Variants in DST observed in about 807,000 individuals in gnomAD.
DST encodes bullous pemphigoid antigen.
DST carries 253 observed loss-of-function variants against 875.2 expected under a neutral mutation model. That is an observed-to-expected ratio of 0.29 (90% CI 0.26 to 0.32). The LOEUF is 0.32. Ranked by LOEUF, DST falls within the 10% of genes least tolerant of loss-of-function variation. The pLI, the probability that DST is intolerant of heterozygous loss-of-function variation, is 1.00. For missense variants in DST, 8,287 were observed against 9,111.6 expected, an observed-to-expected ratio of 0.91 and a Z score of 3.68; for synonymous variants, 3,124 against 3,197.1, an observed-to-expected ratio of 0.98 and a Z score of 0.77.
At chr6:56,694,618 G>A (rs2099252544) in intron 9 of DST, among the ~76,000 whole-genome samples, 1 of 152,128 alleles carries the variant, frequency 6.6e-6, no homozygotes, top group Non-Finnish European at 1.5e-5. Context: ...GTACTAACAT[G>A]ATGGAGGGGC....
At chr6:56,741,618 T>A (rs2099547030) in intron 4 of DST, among the ~76,000 whole-genome samples, 1 of 152,202 alleles carries the variant, frequency 6.6e-6, no homozygotes, top group Admixed American at 6.5e-5. Flanking sequence ...TCCATACACA[T>A]TATTTCAAAA....
chr6:56,600,188 T>C lies in DST; in HGVS notation c.11575A>G (p.Lys3859Glu). 1 of 1,612,818 alleles carries C rather than the reference T, an allele frequency of 6.2e-7. No individual in the cohort carries two copies. Among genetic ancestry groups the C allele is most frequent in the Non-Finnish European group, 8.5e-7 (1 of 1,179,080 alleles). The change falls in exon 45 of 104, where the codon AAA (lysine) becomes GAA (glutamate). Residue 3859 changes from lysine (K) to glutamate (E), a missense_variant. This residue lies in a region of DST where 3,138 missense variants were observed against 3,116.6 expected (regional missense o/e 1.01). Coordinates refer to ENST00000680361, the MANE Select transcript of DST (RefSeq NM_001374736.1). The stretch of plus-strand genomic sequence containing the variant: ...AGAAGATCACATATCCCTTGGAGTT[T>C]CTCTTTATACTCCTGCTGACGCTCT... ...VAERQQEYKEKLQGICDLLTQ... is the reference protein window; with the variant it reads ...VAERQQEYKEELQGICDLLTQ...
intron 4 of DST, among the ~76,000 whole-genome samples, chr6:56,752,068 G>C (rs1360095531): frequency 6.6e-6 from 1 of 151,656 alleles, no homozygotes; most frequent in Non-Finnish European, 1.5e-5. Flanking sequence ...TGGGTCTCCA[G>C]TATTTCCAAA....
intron 8 of DST, among the ~76,000 whole-genome samples, chr6:56,701,385 C>A (rs1354443425): frequency 1.3e-5 from 2 of 152,002 alleles, no homozygotes; most frequent in African/African-American, 4.8e-5. Flanking sequence ...TATATCTTTA[C>A]TCATAAATTT....
intron 92 of DST, 55 bp from the exon 93 acceptor site, chr6:56,474,057 T>C: frequency 1.4e-6 from 2 of 1,468,600 alleles, no homozygotes; most frequent in Non-Finnish European, 1.8e-6. Context: ...AAAACCGTCT[T>C]TAGAAATGAA....
chr6:56,865,071 A>T (rs1773255301), intron 3 of DST, among the ~76,000 whole-genome samples: 1 of 152,176 alleles, frequency 6.6e-6, no homozygotes, highest in African/African-American at 2.4e-5. Context: ...AGGCTCCTAG[A>T]AGTAGATAAG....
intron 4 of DST, among the ~76,000 whole-genome samples, chr6:56,766,541 T>C (rs76922686): frequency 6.6e-6 from 1 of 150,912 alleles, no homozygotes; most frequent in Non-Finnish European, 1.5e-5. Flanking sequence ...TTTTTTTTTT[T>C]CCTTTTTGAG....
intron 49 of DST, among the ~76,000 whole-genome samples, chr6:56,591,284 A>G (rs2098267866): frequency 6.6e-6 from 1 of 152,216 alleles, no homozygotes; most frequent in Admixed American, 6.5e-5. Flanking sequence ...TATTTCTGAA[A>G]GAGCAGGTGG....
chr6:56,602,838 A>G, intron 43 of DST, 44 bp downstream of exon 43: 1 of 1,390,256 alleles, frequency 7.2e-7, no homozygotes, highest in Non-Finnish European at 9.4e-7. Flanking sequence ...TATTAAAGTC[A>G]TAGTTTTTGA....
chr6:56,669,577 T>C lies in DST; in HGVS notation c.1214+1064A>G, dbSNP rs148290285. On this transcript the variant is annotated intron_variant, in intron 10 of 103. Transcript: ENST00000680361. Reference sequence around the variant, plus strand: ...TGCCACTGCACTCTAGCCTGGGTGATAGTGCAAGACTTCATCTCAAAAAAA... The same window carrying C: ...TGCCACTGCACTCTAGCCTGGGTGACAGTGCAAGACTTCATCTCAAAAAAA... Among the ~76,000 whole-genome samples, 235 of 146,176 alleles carry C rather than the reference T, an allele frequency of 1.6e-3. 6 individuals are homozygous for C. The East Asian group carries it at 0.039, about 24-fold the overall frequency.
At chr6:56,509,322 G>GAA (rs1306923895) in intron 74 of DST, among the ~76,000 whole-genome samples, 2 of 152,084 alleles carry the variant, frequency 1.3e-5, no homozygotes, top group Non-Finnish European at 2.9e-5. Context: ...CAGTAATGAG[G>GAA]AAAAAACCCC....
Position 56,464,766 on chromosome 6 carries a change from A to G in DST, c.22688-10T>C. The G allele has an allele frequency of 6.3e-7, 1 of 1,576,408 alleles. No individual in the cohort carries two copies. Among genetic ancestry groups the G allele is most frequent in the Non-Finnish European group, 8.6e-7 (1 of 1,156,320 alleles). ...CTCCCATGATGATGAACTAGAAAAA[A>G]TGACACAGGATACCAATCACATTAA... On this transcript the variant is annotated splice_polypyrimidine_tract_variant and intron_variant, in intron 99 of 103. Coordinates refer to ENST00000680361, the MANE Select transcript of DST (RefSeq NM_001374736.1).
intron 4 of DST, among the ~76,000 whole-genome samples, chr6:56,745,621 G>A (rs1439841445): frequency 6.6e-6 from 1 of 152,034 alleles, no homozygotes; most frequent in Non-Finnish European, 1.5e-5. Flanking sequence ...TATCAAATTT[G>A]ACAAACCACT....
In DST at chr6:56,668,012, G is replaced by C. The variant is rs59453953; in HGVS notation, c.1214+2629C>G. 8.0e-3 allele frequency among the ~76,000 whole-genome samples: 1,219 copies of C among 151,818 alleles called. 13 individuals are homozygous for C. The highest frequency in any genetic ancestry group is 0.028 in the African/African-American group (1,173 of 41,372). On this transcript the variant is annotated intron_variant, in intron 10 of 103. Coordinates refer to ENST00000680361, the MANE Select transcript of DST (RefSeq NM_001374736.1). ...AATTCCTGGCCTCAAGCAATCCTCC[G>C]GCCTCATCCTCCCTGCCAAAAGTAG...
chr6:56,736,110 G>A (rs540289678), intron 4 of DST, among the ~76,000 whole-genome samples: 3 of 152,048 alleles, frequency 2.0e-5, no homozygotes, highest in South Asian at 4.2e-4. Flanking sequence ...GGCTGGTCTC[G>A]AACCCCTGAC....
At chr6:56,761,631 C>T (rs1015360650) in intron 4 of DST, among the ~76,000 whole-genome samples, 2 of 151,986 alleles carry the variant, frequency 1.3e-5, no homozygotes, top group African/African-American at 2.4e-5. Context: ...TACAGATGCC[C>T]GGGTTTCATC....
chr6:56,791,138 T>C (rs1359399949), intron 4 of DST, among the ~76,000 whole-genome samples: 2 of 152,192 alleles, frequency 1.3e-5, no homozygotes, highest in Non-Finnish European at 2.9e-5. Context: ...CTTTATCCTT[T>C]ATCATTTTCC....
At chr6:56,572,356 C>T (rs1394198068) in intron 52 of DST, 90 bp from the exon 53 acceptor site, 6 of 814,026 alleles carry the variant, frequency 7.4e-6, no homozygotes, top group Non-Finnish European at 1.1e-5. Flanking sequence ...ATCAGAATGG[C>T]TCTATTCATA....
chr6:56,954,399 T>G lies in DST; in HGVS notation c.181+8A>C. The G allele has an allele frequency of 7.3e-7, 1 of 1,365,002 alleles. No individual in the cohort carries two copies. The highest frequency in any genetic ancestry group is 9.8e-7 in the Non-Finnish European group (1 of 1,020,674). The allele number at this position is 1,365,002 out of a possible 1,614,324, so 84.6% of individuals were successfully genotyped here. A position where few individuals can be genotyped will look rare whatever the true frequency, so the allele number is the denominator to read the frequency against. On this transcript the variant is annotated splice_region_variant and intron_variant, in intron 1 of 103. Coordinates refer to ENST00000680361, the MANE Select transcript of DST (RefSeq NM_001374736.1). ...TAGCCCGCAGAAACCCGTCGCGGCG[T>G]GTCTTACCTCGGCTTCTTGAACGAC...
Sources: gnomAD v4.1 joint callset for allele counts (sites outside exome capture counted in the v4.1 genomes callset) on GRCh38, gnomAD v4.1.1 for gene constraint, gnomAD v4.1.1 regional missense constraint, MANE v1.5 for transcripts, NCBI Gene and HGNC (gene_info 2026-07-23, HGNC 2026-07-21) for gene names.